MINDY2: variants seen among roughly 807,000 people sequenced by gnomAD.
MINDY2 encodes the protein MINDY lysine 48 deubiquitinase 2.
A neutral mutation model predicts 68.2 loss-of-function variants in MINDY2; 52 were observed. The ratio of observed to expected loss-of-function variants is 0.76; its 90% CI spans 0.61 to 0.96. The LOEUF (loss-of-function observed/expected upper bound fraction) is 0.96, where lower values mean the gene tolerates loss of function less well. Ranked by LOEUF, MINDY2 falls within the 40% of genes least tolerant of loss-of-function variation. The pLI is 0.00. For synonymous variants in MINDY2, 372 were observed against 303.0 expected, an observed-to-expected ratio of 1.23 and a Z score of -2.36; for missense variants, 881 against 773.4, an observed-to-expected ratio of 1.14 and a Z score of -1.65.
chr15:58,819,994 A>T (rs575158101), intron 4 of MINDY2, among the ~76,000 whole-genome samples: 6 of 152,308 alleles, frequency 3.9e-5, no homozygotes, highest in Non-Finnish European at 7.4e-5. Context: ...GGCCAGGCAC[A>T]GTGGCTCACA....
chr15:58,813,615 T>G (rs2030457520), intron 4 of MINDY2, among the ~76,000 whole-genome samples: 1 of 152,184 alleles, frequency 6.6e-6, no homozygotes, highest in Non-Finnish European at 1.5e-5. Context: ...GTTTGTTTGT[T>G]TTTTAAGAGA....
intron 5 of MINDY2, among the ~76,000 whole-genome samples, chr15:58,827,703 C>A (rs543715027): frequency 7.9e-5 from 12 of 152,188 alleles, no homozygotes; most frequent in African/African-American, 2.4e-4. Context: ...TCTCCCGCCT[C>A]GTCCTCCCAA....
In MINDY2 at chr15:58,810,287, G is replaced by GT. The variant is rs2030141343; in HGVS notation, c.1022dup (p.Arg342LysfsTer9). 1.9e-6 allele frequency: 3 copies of GT among 1,613,786 alleles called. No homozygotes were observed. Among genetic ancestry groups the GT allele is most frequent in the Non-Finnish European group, 2.5e-6 (3 of 1,179,924 alleles). ...ACTACAGACAGGCCTGGATGTAAATGTAAGATTCACTGGTGTTCGAGTGTT... is the reference window on the plus strand; with the variant it reads ...ACTACAGACAGGCCTGGATGTAAATGTTAAGATTCACTGGTGTTCGAGTGTT... On this transcript the variant is annotated frameshift_variant, in exon 4 of 9. Coordinates refer to ENST00000559228, the MANE Select transcript of MINDY2 (RefSeq NM_001040450.3). LOFTEE classifies it high-confidence loss of function.
chr15:58,786,341 T>C (rs1480958782), intron 1 of MINDY2, among the ~76,000 whole-genome samples: 1 of 152,244 alleles, frequency 6.6e-6, no homozygotes, highest in East Asian at 1.9e-4. Context: ...CTTCTATCAC[T>C]GATATAGTAA....
chr15:58,771,834 G>A lies in MINDY2; in HGVS notation c.439G>A (p.Gly147Ser). The change falls in exon 1 of 9, where the codon GGC becomes AGC. Residue 147 changes from glycine (G) to serine (S), a missense_variant. Coordinates refer to ENST00000559228, the MANE Select transcript of MINDY2 (RefSeq NM_001040450.3). ...CTGCCAAGCAGAACTGACCGCCGCC[G>A]GCTCCGAAGAGCCCAGCAGCGCCGG... is the stretch of plus-strand genomic sequence containing the variant. ...GTCQAELTAAGSEEPSSAGGL... is the reference protein window; with the variant it reads ...GTCQAELTAASSEEPSSAGGL... 1 of 1,607,856 alleles carries A rather than the reference G, an allele frequency of 6.2e-7. No homozygotes were observed.
At chr15:58,840,243 C>T (rs774456404) in intron 6 of MINDY2, among the ~76,000 whole-genome samples, 28 of 152,162 alleles carry the variant, frequency 1.8e-4, no homozygotes, top group Admixed American at 1.7e-3. Context: ...CACTTCCGAA[C>T]GAATATAGTA....
chr15:58,830,563 A>G (rs2031655791), intron 5 of MINDY2, among the ~76,000 whole-genome samples: 2 of 152,174 alleles, frequency 1.3e-5, no homozygotes, highest in South Asian at 4.1e-4. Flanking sequence ...GATCTCAAGC[A>G]TTTTAGATAA....
At chr15:58,810,463 T>A in intron 4 of MINDY2, 75 bp downstream of exon 4, 2 of 1,349,222 alleles carry the variant, frequency 1.5e-6, no homozygotes, top group Non-Finnish European at 2.0e-6. Flanking sequence ...AATCTCAATT[T>A]ATATTTTTTG....
rs2033208838 is a variant in MINDY2 at position 58,861,161 on chromosome 15, G to T, written c.*6551G>T. 6.6e-6 allele frequency: 1 copy of T among 152,164 alleles called. No individual in the cohort carries two copies. The highest frequency in any genetic ancestry group is 1.5e-5 in the Non-Finnish European group (1 of 68,038). 9.4% of individuals were successfully genotyped at this position (152,164 alleles called of 1,614,324 possible). ...ATTGGATTGAGGCACATATTTTGAGGAGTAGCAAGTGGAATGGTATAATGA... is the reference window on the plus strand; with the variant it reads ...ATTGGATTGAGGCACATATTTTGAGTAGTAGCAAGTGGAATGGTATAATGA... On this transcript the variant is annotated 3_prime_UTR_variant, in exon 9 of 9. Coordinates refer to ENST00000559228, the MANE Select transcript of MINDY2 (RefSeq NM_001040450.3).
chr15:58,780,881 T>TA (rs1454345256), intron 1 of MINDY2, among the ~76,000 whole-genome samples: 1 of 152,188 alleles, frequency 6.6e-6, no homozygotes, highest in Non-Finnish European at 1.5e-5. Flanking sequence ...TGGACTACCT[T>TA]AGTAGCCTTC....
At chr15:58,792,810 C>T (rs1902031989) in intron 2 of MINDY2, among the ~76,000 whole-genome samples, 1 of 152,028 alleles carries the variant, frequency 6.6e-6, no homozygotes, top group African/African-American at 2.4e-5. Flanking sequence ...AGGCAAAGTA[C>T]AAAAGACCAT....
chr15:58,774,547 C>T (rs1261369769), intron 1 of MINDY2, among the ~76,000 whole-genome samples: 1 of 150,686 alleles, frequency 6.6e-6, no homozygotes, highest in Non-Finnish European at 1.5e-5. Flanking sequence ...AATCTGCCCT[C>T]GTGTAGCTGA....
chr15:58,791,672 G>A (rs1901948451), intron 2 of MINDY2, among the ~76,000 whole-genome samples: 1 of 149,422 alleles, frequency 6.7e-6, no homozygotes, highest in Admixed American at 6.7e-5. Context: ...ATGTGTGTGT[G>A]TGTAATGTGA....
intron 6 of MINDY2, among the ~76,000 whole-genome samples, chr15:58,832,816 G>A (rs1321604462): frequency 3.9e-5 from 6 of 152,060 alleles, no homozygotes; most frequent in South Asian, 4.1e-4. Context: ...TTGAGCCACC[G>A]TGTGCGGCCA....
In MINDY2 at chr15:58,854,578, G is replaced by T; in HGVS notation, c.1834G>T (p.Glu612Ter). The T allele has an allele frequency of 6.2e-7, 1 of 1,611,490 alleles. No individual in the cohort carries two copies. The highest frequency in any genetic ancestry group is 8.5e-7 in the Non-Finnish European group (1 of 1,179,526). The change falls in exon 9 of 9, where the codon GAA (glutamate) becomes TAA (stop). Residue 612 changes from glutamate (E) to a stop codon, truncating the protein, a stop_gained. Transcript: ENST00000559228. LOFTEE classifies it high-confidence loss of function. Reference protein sequence around the residue: ...KEPREKDKEKEKEKNSCVIL With the variant: ...KEPREKDKEK ...ACCACGAGAAAAAGATAAAGAAAAA[G>T]AAAAGGAAAAAAATAGCTGTGTTAT...
At chr15:58,781,106 A>G (rs1304443213) in intron 1 of MINDY2, among the ~76,000 whole-genome samples, 3 of 151,862 alleles carry the variant, frequency 2.0e-5, no homozygotes, top group African/African-American at 4.8e-5. Context: ...CTGGAGTGCA[A>G]TGGTGTGGTC....
In MINDY2 at chr15:58,821,930, A is replaced by G. The variant is rs2031087032; in HGVS notation, c.1225+111A>G. 7.6e-6 allele frequency: 5 copies of G among 661,128 alleles called. No homozygotes were observed. The East Asian group carries it at 1.2e-4, about 15-fold the overall frequency. The allele number at this position is 661,128 out of a possible 1,614,324, so 41.0% of individuals were successfully genotyped here. A position where few individuals can be genotyped will look rare whatever the true frequency, so the allele number is the denominator to read the frequency against. On this transcript the variant is annotated intron_variant, in intron 5 of 8. Transcript: ENST00000559228. ...ATAAGACTTCTAAAAAACACATGTT[A>G]TATTACTTGTATGAATTTTAAGAAG...
At chr15:58,789,926 C>T (rs548910269) in intron 2 of MINDY2, among the ~76,000 whole-genome samples, 4 of 152,146 alleles carry the variant, frequency 2.6e-5, no homozygotes, top group East Asian at 1.9e-4. Context: ...GGATTGCAGG[C>T]GTGAGCCACC....
intron 4 of MINDY2, among the ~76,000 whole-genome samples, chr15:58,818,224 G>C (rs535007239): frequency 3.3e-5 from 5 of 152,150 alleles, no homozygotes; most frequent in Non-Finnish European, 7.3e-5. Flanking sequence ...GCATGTAGTA[G>C]TATGTAATAG....
Sources: allele counts gnomAD v4.1 joint callset (sites outside exome capture counted in the v4.1 genomes callset), GRCh38; gene constraint gnomAD v4.1.1; transcripts MANE v1.5; gene names NCBI Gene and HGNC (gene_info 2026-07-23, HGNC 2026-07-21).